The following ARFIP1 variants were observed in gnomAD, a reference collection of about 807,000 sequenced individuals.
ARFIP1 encodes ARF interacting protein 1, also known as arfaptin-1.
Under a neutral mutation model 42.5 loss-of-function variants are expected in ARFIP1, and 24 were observed. The observed-to-expected ratio is 0.57, with a 90% CI of 0.41 to 0.80. The LOEUF (loss-of-function observed/expected upper bound fraction) is 0.80, where lower values mean the gene tolerates loss of function less well. ARFIP1 is among the 30% of genes least tolerant of loss of function. The pLI, the probability that ARFIP1 is intolerant of heterozygous loss-of-function variation, is 0.00. For synonymous variants in ARFIP1, 141 were observed against 153.7 expected (o/e 0.92, Z 0.61); for missense variants, 354 against 434.0 (o/e 0.82, Z 1.64).
intron 1 of ARFIP1, among the ~76,000 whole-genome samples, chr4:152,783,080 T>C (rs1346102760): frequency 6.6e-6 from 1 of 152,140 alleles, no homozygotes; most frequent in Non-Finnish European, 1.5e-5. Flanking sequence ...TGGGAGGCTG[T>C]GGCGGGTGGA....
intron 1 of ARFIP1, among the ~76,000 whole-genome samples, chr4:152,802,476 T>C (rs1487162331): frequency 6.6e-6 from 1 of 152,142 alleles, no homozygotes; most frequent in East Asian, 1.9e-4. Context: ...AACCTGAACA[T>C]TGGAAATATT....
At chr4:152,798,241 C>T (rs1292180761) in intron 1 of ARFIP1, among the ~76,000 whole-genome samples, 3 of 134,648 alleles carry the variant, frequency 2.2e-5, no homozygotes, top group South Asian at 2.3e-4. Context: ...CCAGCCTGGG[C>T]GACAGAGCGA....
Position 152,804,447 on chromosome 4 carries a change from A to G in ARFIP1, c.-10+24221A>G, listed in dbSNP as rs573713489. 3.5e-5 allele frequency among the ~76,000 whole-genome samples: 4 copies of G among 113,410 alleles called. No individual in the cohort carries two copies. In the Admixed American group the frequency reaches 4.9e-4, roughly 14 times the overall value. The allele number at this position is 113,410 out of a possible 152,430, so 74.4% of individuals were successfully genotyped here. On this transcript the variant is annotated intron_variant, in intron 1 of 8. Transcript: ENST00000353617. ...TTATATATAATATAACATGTATTAT[A>G]TATATTATATATAATATATAATATA...
Position 152,830,700 on chromosome 4 carries a change from A to G in ARFIP1, c.93+974A>G, listed in dbSNP as rs572052179. 6.6e-5 allele frequency among the ~76,000 whole-genome samples: 10 copies of G among 152,258 alleles called. No homozygotes were observed. The South Asian group carries it at 2.1e-3, about 32-fold the overall frequency. On this transcript the variant is annotated intron_variant, in intron 2 of 8. Transcript: ENST00000353617. ...TACTTTGTTGGGTGTATTGGCCTAT[A>G]CATTGTAGGATGGTTGGCACATTCC...
At chr4:152,872,110 T>C (rs1010766909) in intron 4 of ARFIP1, among the ~76,000 whole-genome samples, 52 of 152,140 alleles carry the variant, frequency 3.4e-4, no homozygotes, top group Admixed American at 3.3e-4. Context: ...TTTAGTGTCA[T>C]TAGTGTATAA....
intron 2 of ARFIP1, among the ~76,000 whole-genome samples, chr4:152,843,040 G>A (rs1248322506): frequency 6.6e-6 from 1 of 152,066 alleles, no homozygotes; most frequent in African/African-American, 2.4e-5. Context: ...TTCTCATTTG[G>A]GTAGGCTCTG....
At chr4:152,899,636 T>C (rs944731408) in intron 8 of ARFIP1, among the ~76,000 whole-genome samples, 1 of 152,200 alleles carries the variant, frequency 6.6e-6, no homozygotes, top group Non-Finnish European at 1.5e-5. Flanking sequence ...CTCCCCATAG[T>C]GCCCAGGCCT....
At chr4:152,782,003 C>A (rs973020784) in intron 1 of ARFIP1, among the ~76,000 whole-genome samples, 3 of 152,160 alleles carry the variant, frequency 2.0e-5, no homozygotes, top group Non-Finnish European at 2.9e-5. Flanking sequence ...AGATTAAAAC[C>A]ACCACTTAGG....
rs775693138 is a variant in ARFIP1 at position 152,813,819 on chromosome 4, AAATT to A, written c.-9-15803_-9-15800del. Among the ~76,000 whole-genome samples, 30 of 152,314 alleles carry A rather than the reference AAATT, an allele frequency of 2.0e-4. 1 individual carries two copies. The South Asian group carries it at 4.4e-3, about 22-fold the overall frequency. On this transcript the variant is annotated intron_variant, in intron 1 of 8. Coordinates refer to ENST00000353617, the MANE Select transcript of ARFIP1 (RefSeq NM_001025595.3). The stretch of plus-strand genomic sequence containing the variant: ...TCAAGCAATTATGTGGATTATAAAT[AAATT>A]AAGAGGAAAAGGCAAAAGGGAAAAA...
At chr4:152,836,570 T>A (rs1285314218) in intron 2 of ARFIP1, among the ~76,000 whole-genome samples, 1 of 152,168 alleles carries the variant, frequency 6.6e-6, no homozygotes. Context: ...ACACATTGTC[T>A]TATTTATTTA....
At chr4:152,827,114 T>G (rs1010667258) in intron 1 of ARFIP1, among the ~76,000 whole-genome samples, 8 of 152,234 alleles carry the variant, frequency 5.3e-5, no homozygotes, top group African/African-American at 1.9e-4. Context: ...GTGAATATAC[T>G]TAACAGTACT....
chr4:152,780,755 AGTT>A (rs1251678553), intron 1 of ARFIP1, among the ~76,000 whole-genome samples: 1 of 152,068 alleles, frequency 6.6e-6, no homozygotes, highest in African/African-American at 2.4e-5. Context: ...TTGGAAAGGG[AGTT>A]GTTCGATTGT....
chr4:152,830,047 A>C (rs2149846405), intron 2 of ARFIP1, among the ~76,000 whole-genome samples: 1 of 152,282 alleles, frequency 6.6e-6, no homozygotes, highest in Middle Eastern at 3.4e-3. Flanking sequence ...TAAAATTGGC[A>C]CTAATAACTT....
intron 5 of ARFIP1, among the ~76,000 whole-genome samples, chr4:152,880,480 C>A (rs1003791336): frequency 3.9e-5 from 6 of 152,104 alleles, no homozygotes; most frequent in Non-Finnish European, 7.4e-5. Context: ...CTCTTCCCCC[C>A]CGCTTTCATT....
chr4:152,891,613 C>T (rs533467089), intron 8 of ARFIP1, among the ~76,000 whole-genome samples: 49 of 152,122 alleles, frequency 3.2e-4, no homozygotes, highest in Non-Finnish European at 4.7e-4. Flanking sequence ...GTTTTTTGTT[C>T]TTTTGTTAAA....
intron 1 of ARFIP1, among the ~76,000 whole-genome samples, chr4:152,805,351 A>G (rs1728920412): frequency 6.6e-6 from 1 of 152,222 alleles, no homozygotes; most frequent in South Asian, 2.1e-4. Flanking sequence ...TGCCTGGAGC[A>G]TTGGAAAACC....
At chr4:152,896,954 T>TGACA (rs1414085795) in intron 8 of ARFIP1, among the ~76,000 whole-genome samples, 1 of 152,198 alleles carries the variant, frequency 6.6e-6, no homozygotes, top group African/African-American at 2.4e-5. Flanking sequence ...CATTCTTAAA[T>TGACA]GACAGAGTAG....
chr4:152,867,389 A>C (rs1409334134), intron 3 of ARFIP1, among the ~76,000 whole-genome samples: 3 of 152,138 alleles, frequency 2.0e-5, no homozygotes, highest in African/African-American at 7.2e-5. Context: ...GCAGGCACTC[A>C]GCAGGCTGAG....
At chr4:152,909,623 A>C (rs1002877131) in intron 8 of ARFIP1, among the ~76,000 whole-genome samples, 3 of 152,202 alleles carry the variant, frequency 2.0e-5, no homozygotes, top group African/African-American at 7.2e-5. Context: ...AAGAAAGTCA[A>C]TATTTAAAAG....
Sources: gnomAD v4.1 joint callset for allele counts (sites outside exome capture counted in the v4.1 genomes callset) on GRCh38, gnomAD v4.1.1 for gene constraint, MANE v1.5 for transcripts, NCBI Gene and HGNC (gene_info 2026-07-23, HGNC 2026-07-21) for gene names.